The following OPHN1 variants were observed in gnomAD, a reference collection of about 807,000 sequenced individuals.
OPHN1 encodes oligophrenin 1, also known as oligophrenin-1.
In OPHN1, 11 loss-of-function variants were observed where a neutral mutation model predicts 60.7. That is an observed-to-expected ratio of 0.18 (90% CI 0.11 to 0.30). OPHN1 has a LOEUF of 0.30. OPHN1 is among the 10% of genes least tolerant of loss of function. The pLI, the probability that OPHN1 is intolerant of heterozygous loss-of-function variation, is 1.00. For missense variants in OPHN1, 449 were observed against 611.0 expected, an observed-to-expected ratio of 0.73 and a Z score of 2.80; for synonymous variants, 226 against 222.6, an observed-to-expected ratio of 1.02 and a Z score of -0.14.
chrX:68,206,705 A>G, intron 9 of OPHN1, 32 bp from the exon 10 acceptor site: 2 of 1,043,433 alleles, frequency 1.9e-6, no homozygotes, highest in Non-Finnish European at 2.7e-6. Context: ...AGCAGACAGA[A>G]TAACTATTTT....
In OPHN1 at chrX:68,152,942, G is replaced by A. The variant is rs925612900; in HGVS notation, c.1277-33610C>T. ...AGTAAATACACAGGCCGGCTGTGGA[G>A]GCTCACATCTGTAATCCCAGCACTT... On this transcript the variant is annotated intron_variant, in intron 15 of 24. Coordinates refer to ENST00000355520, the MANE Select transcript of OPHN1 (RefSeq NM_002547.3). 4.5e-5 allele frequency among the ~76,000 whole-genome samples: 5 copies of A among 110,155 alleles called. No homozygotes were observed. In the Admixed American group the frequency reaches 4.8e-4, roughly 11 times the overall value.
At position 68,053,042 on chromosome X, in the gene OPHN1, G is replaced by C. The variant is rs567515671; in HGVS notation, c.2325-452C>G. On this transcript the variant is annotated intron_variant, in intron 22 of 24. Transcript: ENST00000355520. ...GAATGGTCCCAGTCGATAAAGAGAG[G>C]ACAGGCAAGCGCGTTGTGGCCAAGC... 1.4e-4 allele frequency among the ~76,000 whole-genome samples: 16 copies of C among 111,685 alleles called. No individual in the cohort carries two copies. The South Asian group carries it at 2.7e-3, about 19-fold the overall frequency.
chrX:68,260,962 C>A (rs777073275), intron 5 of OPHN1, among the ~76,000 whole-genome samples: 1 of 111,859 alleles, frequency 8.9e-6, no homozygotes, highest in Non-Finnish European at 1.9e-5. Context: ...GTCTCATCTA[C>A]CTCCAGAACA....
At chrX:68,082,791 C>G (rs915359861) in intron 19 of OPHN1, among the ~76,000 whole-genome samples, 2 of 111,933 alleles carry the variant, frequency 1.8e-5, no homozygotes, top group African/African-American at 6.5e-5. Context: ...AAAGAGTCAG[C>G]CTGTCCTGTG....
intron 2 of OPHN1, among the ~76,000 whole-genome samples, chrX:68,423,237 G>C (rs2078838964): frequency 9.0e-6 from 1 of 110,837 alleles, no homozygotes; most frequent in Non-Finnish European, 1.9e-5. Flanking sequence ...GTGTTAGCCA[G>C]GATGGTCTCT....
intron 15 of OPHN1, among the ~76,000 whole-genome samples, chrX:68,137,835 C>T (rs1412926939): frequency 2.7e-5 from 3 of 111,572 alleles, no homozygotes; most frequent in Non-Finnish European, 5.6e-5. Context: ...CTCCCCTGTG[C>T]ACAGGCCTAC....
intron 2 of OPHN1, among the ~76,000 whole-genome samples, chrX:68,411,352 A>T (rs1397242857): frequency 8.9e-6 from 1 of 112,286 alleles, no homozygotes; most frequent in Non-Finnish European, 1.9e-5. Flanking sequence ...AAGTTCTTTG[A>T]GAAATCTCCA....
intron 15 of OPHN1, among the ~76,000 whole-genome samples, chrX:68,131,189 C>CTTTT (rs1296655314): frequency 1.6e-4 from 15 of 93,093 alleles, no homozygotes; most frequent in African/African-American, 6.4e-4. Context: ...ACAAAGAACA[C>CTTTT]TTTTATTTAT....
At chrX:68,079,809 C>A (rs370983906) in intron 19 of OPHN1, among the ~76,000 whole-genome samples, 1 of 111,895 alleles carries the variant, frequency 8.9e-6, no homozygotes, top group Non-Finnish European at 1.9e-5. Flanking sequence ...TAAAACAATG[C>A]CAATGTCCAA....
At position 68,270,705 on chromosome X, in the gene OPHN1, T is replaced by A. The variant is rs550063016; in HGVS notation, c.384+4033A>T. Among the ~76,000 whole-genome samples, 8 of 109,806 alleles carry A rather than the reference T, an allele frequency of 7.3e-5. No individual in the cohort carries two copies. The South Asian group carries it at 3.3e-3, about 45-fold the overall frequency. On this transcript the variant is annotated intron_variant, in intron 5 of 24. Coordinates refer to ENST00000355520, the MANE Select transcript of OPHN1 (RefSeq NM_002547.3). ...TATACATATGTAACAAACCTGCACG[T>A]TGTGCACATGTACCCTAGAACTTAA...
At chrX:68,164,444 G>A (rs1382208471) in intron 15 of OPHN1, among the ~76,000 whole-genome samples, 1 of 112,288 alleles carries the variant, frequency 8.9e-6, no homozygotes, top group African/African-American at 3.2e-5. Context: ...CTCCATCAGA[G>A]CTCTTGGGTG....
intron 2 of OPHN1, among the ~76,000 whole-genome samples, chrX:68,317,459 A>G (rs763831214): frequency 4.1e-5 from 4 of 96,979 alleles, no homozygotes; most frequent in African/African-American, 1.5e-4. Flanking sequence ...GAGAAGAAGA[A>G]GAAGAGGAGG....
intron 5 of OPHN1, among the ~76,000 whole-genome samples, chrX:68,237,926 T>C (rs1043836506): frequency 8.9e-6 from 1 of 112,481 alleles, no homozygotes; most frequent in Non-Finnish European, 1.9e-5. Flanking sequence ...CATCCTTATT[T>C]TGTTCTTTAC....
intron 2 of OPHN1, among the ~76,000 whole-genome samples, chrX:68,346,805 C>T (rs1363078488): frequency 2.7e-5 from 3 of 111,900 alleles, no homozygotes; most frequent in African/African-American, 9.7e-5. Context: ...TTAGTTTGCA[C>T]ACGGGGAACC....
intron 2 of OPHN1, among the ~76,000 whole-genome samples, chrX:68,393,137 G>T (rs2078662185): frequency 8.9e-6 from 1 of 112,379 alleles, no homozygotes; most frequent in African/African-American, 3.2e-5. Context: ...CTTCCCGTAA[G>T]GGGTTTGAGC....
At chrX:68,353,408 GAAAAAA>G (rs766331200) in intron 2 of OPHN1, among the ~76,000 whole-genome samples, 2 of 48,157 alleles carry the variant, frequency 4.2e-5, no homozygotes, top group African/African-American at 6.9e-5. Context: ...GTCTCTACAG[GAAAAAA>G]AAAAAAAAAA....
At chrX:68,228,390 C>A (rs2077708517) in intron 6 of OPHN1, among the ~76,000 whole-genome samples, 1 of 111,262 alleles carries the variant, frequency 9.0e-6, no homozygotes. Flanking sequence ...AAGAGGGAAT[C>A]CTCCCTAACT....
chrX:68,197,643 T>C (rs1406620621), intron 11 of OPHN1, among the ~76,000 whole-genome samples: 1 of 111,312 alleles, frequency 9.0e-6, no homozygotes, highest in Admixed American at 9.6e-5. Flanking sequence ...GGAATGAGCA[T>C]GAACATCAGA....
At chrX:68,063,260 C>T (rs892795704) in intron 21 of OPHN1, among the ~76,000 whole-genome samples, 2 of 110,754 alleles carry the variant, frequency 1.8e-5, no homozygotes, top group African/African-American at 6.6e-5. Flanking sequence ...GTGGCTCACG[C>T]CTGTAATCCC....
Sources: gnomAD v4.1 joint callset for allele counts (sites outside exome capture counted in the v4.1 genomes callset) on GRCh38, gnomAD v4.1.1 for gene constraint, MANE v1.5 for transcripts, NCBI Gene and HGNC (gene_info 2026-07-23, HGNC 2026-07-21) for gene names.